SMIM35: variants seen among roughly 807,000 people sequenced by gnomAD.
The protein encoded by SMIM35 is small integral membrane protein 35.
At chr11:118,027,089 G>A (rs191452294) in intron 1 of SMIM35, among the ~76,000 whole-genome samples, 2,241 of 127,236 alleles carry the variant, frequency 0.018, 16 homozygotes, top group East Asian at 0.087. Context: ...CTGCAGTGGC[G>A]CAATCTCGGC....
chr11:118,006,428 G>A (rs929268175), intron 4 of SMIM35, 52 bp from the exon 5 acceptor site: 1 of 152,198 alleles, frequency 6.6e-6, no homozygotes, highest in African/African-American at 2.4e-5. Flanking sequence ...TTAGTGCCCT[G>A]GGCACATTGC....
intron 1 of SMIM35, among the ~76,000 whole-genome samples, chr11:118,072,061 A>G (rs1215404526): frequency 6.6e-6 from 1 of 152,204 alleles, no homozygotes; most frequent in Non-Finnish European, 1.5e-5. Flanking sequence ...TCCCAACCAC[A>G]GTGTCTAACC....
intron 1 of SMIM35, among the ~76,000 whole-genome samples, chr11:118,021,052 T>TTTTTGTTTTGTTTTG (rs1555070955): frequency 6.6e-6 from 1 of 151,510 alleles, no homozygotes; most frequent in Non-Finnish European, 1.5e-5. Context: ...GTAAGGTTTT[T>TTTTTGTTTTGTTTTG]TTTTTTACTA....
intron 1 of SMIM35, among the ~76,000 whole-genome samples, chr11:118,050,601 C>T (rs1163953333): frequency 6.6e-6 from 1 of 152,220 alleles, no homozygotes; most frequent in African/African-American, 2.4e-5. Context: ...CTGAGCACCC[C>T]CGCAGTCCTC....
At position 118,054,177 on chromosome 11, in the gene SMIM35, G is replaced by T. The variant is rs202013661; in HGVS notation, c.7+32574C>A. ...TGGGATTTTTTTGTTTTGTTTTTTT[G>T]TTTGTTCTTGTTTTTTTGTTTGTTT... On this transcript the variant is annotated intron_variant, in intron 1 of 4. Transcript: ENST00000689828. Among the ~76,000 whole-genome samples, 623 of 140,270 alleles carry T rather than the reference G, an allele frequency of 4.4e-3. 3 individuals carry two copies. The highest frequency in any genetic ancestry group is 0.026 in the East Asian group (131 of 5,046). 92.0% of individuals were successfully genotyped at this position (140,270 alleles called of 152,430 possible). A position where few individuals can be genotyped will look rare whatever the true frequency, so the allele number is the denominator to read the frequency against.
At chr11:118,044,315 GAAAAA>G (rs34422344) in intron 1 of SMIM35, among the ~76,000 whole-genome samples, 2 of 134,532 alleles carry the variant, frequency 1.5e-5, no homozygotes, top group Non-Finnish European at 3.1e-5. Flanking sequence ...TGGCAGAATT[GAAAAA>G]AAAAAAAAAA....
At chr11:118,034,939 G>A (rs12223683) in intron 1 of SMIM35, among the ~76,000 whole-genome samples, 6,011 of 150,898 alleles carry the variant, frequency 0.04, 200 homozygotes, top group East Asian at 0.19. Flanking sequence ...TATAAGTGGT[G>A]AGGAGTTTCC....
chr11:118,063,558 T>A (rs76020470), intron 1 of SMIM35, among the ~76,000 whole-genome samples: 3,041 of 152,318 alleles, frequency 0.02, 43 homozygotes, highest in African/African-American at 0.048. Flanking sequence ...GCTAATGAGC[T>A]GACTGAGGCC....
chr11:118,013,704 T>G (rs529125695), intron 4 of SMIM35, 44 bp downstream of exon 4: 1 of 398,272 alleles, frequency 2.5e-6, no homozygotes, highest in African/African-American at 2.1e-5. Flanking sequence ...AGGACCTTAC[T>G]TGGACATCAG....
chr11:118,031,925 GC>G (rs2058323170), intron 1 of SMIM35: 1 of 151,838 alleles, frequency 6.6e-6, no homozygotes, highest in Non-Finnish European at 1.5e-5. Context: ...ATCTCTTGAG[GC>G]CAGGAGTCCG....
intron 1 of SMIM35, among the ~76,000 whole-genome samples, chr11:118,074,061 G>T (rs890994830): frequency 4.6e-5 from 7 of 152,160 alleles, no homozygotes; most frequent in Non-Finnish European, 1.0e-4. Context: ...CACTCACAGG[G>T]ATAGGCCACT....
chr11:118,014,928 G>C (rs1404025496), intron 2 of SMIM35, among the ~76,000 whole-genome samples, 187 bp from the exon 3 acceptor site: 2 of 152,142 alleles, frequency 1.3e-5, no homozygotes, highest in Non-Finnish European at 2.9e-5. Context: ...GATTATCCTG[G>C]GATGAAGGCA....
chr11:118,078,013 CAAAAAAAAAAAAAAAAAAA>C (rs148383275), intron 1 of SMIM35, among the ~76,000 whole-genome samples: 2 of 71,050 alleles, frequency 2.8e-5, no homozygotes, highest in African/African-American at 1.1e-4. Context: ...AACTCCGTCT[CAAAAAAAAAAAAAAAAAAA>C]AAAAAAAAAA....
Position 118,030,828 on chromosome 11 carries a change from A to AG in SMIM35, c.8-15020dup, listed in dbSNP as rs199864097. 6.0e-3 allele frequency among the ~76,000 whole-genome samples: 915 copies of AG among 152,068 alleles called. 11 individuals carry two copies. Among genetic ancestry groups the AG allele is most frequent in the African/African-American group, 0.021 (882 of 41,466 alleles). On this transcript the variant is annotated intron_variant, in intron 1 of 4. Transcript: ENST00000689828. Reference sequence around the variant, plus strand: ...GAGTCAAAGCCTGAATGGGATTAGGAGGGCATCCATGGCAGTGTTAGGGGT... The same window carrying AG: ...GAGTCAAAGCCTGAATGGGATTAGGAGGGGCATCCATGGCAGTGTTAGGGGT...
rs549433886 is a variant in SMIM35, at chr11:118,025,289, A to G, written c.8-9480T>C. 43 of 333,280 alleles carry G rather than the reference A, an allele frequency of 1.3e-4. 1 individual carries two copies. Among genetic ancestry groups the G allele is most frequent in the South Asian group, 1.1e-3 (43 of 39,684 alleles). The allele number at this position is 333,280 out of a possible 1,614,324, so 20.6% of individuals were successfully genotyped here. A position where few individuals can be genotyped will look rare whatever the true frequency, so the allele number is the denominator to read the frequency against. On this transcript the variant is annotated intron_variant, in intron 1 of 4. Coordinates refer to ENST00000689828, the MANE Select transcript of SMIM35 (RefSeq NM_001394165.1). ...TTTTCTTTTGGGTATATACCCAGTAATAAGATTGTGCAGTCAAATGGTAGT... is the reference window on the plus strand; with the variant it reads ...TTTTCTTTTGGGTATATACCCAGTAGTAAGATTGTGCAGTCAAATGGTAGT...
At position 118,005,302 on chromosome 11, in the gene SMIM35, A is replaced by G. The variant is rs905557937; in HGVS notation, c.*1108T>C. 6.6e-6 allele frequency: 1 copy of G among 152,152 alleles called. No individual in the cohort carries two copies. The highest frequency in any genetic ancestry group is 6.5e-5 in the Admixed American group (1 of 15,282). 9.4% of individuals were successfully genotyped at this position (152,152 alleles called of 1,614,324 possible). On this transcript the variant is annotated 3_prime_UTR_variant, in exon 5 of 5. Transcript: ENST00000689828. ...AGGTGATTCCAGCACACACTGAGTC[A>G]CCTCTTTAAGGAACAACTTGTTGAT...
chr11:118,085,959 G>C (rs1401718782), intron 1 of SMIM35, among the ~76,000 whole-genome samples: 2 of 152,180 alleles, frequency 1.3e-5, no homozygotes, highest in Admixed American at 6.5e-5. Context: ...CTTCCCCTAG[G>C]ACAAAGAGAA....
chr11:118,027,741 G>A (rs2058286199), intron 1 of SMIM35, among the ~76,000 whole-genome samples: 1 of 152,128 alleles, frequency 6.6e-6, no homozygotes, highest in South Asian at 2.1e-4. Flanking sequence ...CAACACCTGT[G>A]GCAGGGAGGC....
chr11:118,062,601 A>G (rs1944407746), intron 1 of SMIM35, among the ~76,000 whole-genome samples: 1 of 152,170 alleles, frequency 6.6e-6, no homozygotes, highest in Non-Finnish European at 1.5e-5. Flanking sequence ...GGATGGGGAA[A>G]GAAGGAACCC....
Sources: allele counts gnomAD v4.1 joint callset (sites outside exome capture counted in the v4.1 genomes callset), GRCh38; gene constraint gnomAD v4.1.1; transcripts MANE v1.5; gene names NCBI Gene and HGNC (gene_info 2026-07-23, HGNC 2026-07-21).